The following NPEPL1 variants were observed in gnomAD, a reference collection of about 807,000 sequenced individuals.
NPEPL1 encodes the protein probable aminopeptidase NPEPL1.
NPEPL1 carries 45 observed loss-of-function variants against 52.4 expected under a neutral mutation model. The ratio of observed to expected loss-of-function variants is 0.86; its 90% CI spans 0.68 to 1.10. The LOEUF (loss-of-function observed/expected upper bound fraction) is 1.10, where lower values mean the gene tolerates loss of function less well. Ranked by LOEUF, NPEPL1 falls within the 50% of genes least tolerant of loss-of-function variation. The probability of loss-of-function intolerance (pLI) is 0.00; values close to 1 mark genes in which losing one functional copy is unlikely to be tolerated. For synonymous variants in NPEPL1, 360 were observed against 314.7 expected, an observed-to-expected ratio of 1.14 and a Z score of -1.52; for missense variants, 696 against 710.9, an observed-to-expected ratio of 0.98 and a Z score of 0.24.
intron 6 of NPEPL1, chr20:58,705,516 C>G (rs1233734885): frequency 2.2e-6 from 1 of 456,182 alleles, no homozygotes; most frequent in Non-Finnish European, 4.4e-6. Flanking sequence ...GAAACGAATA[C>G]AGTGGCTCCC....
chr20:58,714,176 C>T (rs2084910891), intron 10 of NPEPL1, 83 bp downstream of exon 10: 2 of 1,467,236 alleles, frequency 1.4e-6, no homozygotes, highest in East Asian at 2.6e-5. Context: ...TGCTGGTGCA[C>T]CCAGGGAGCT....
rs934634887 is a variant in NPEPL1 at position 58,714,113 on chromosome 20, C to A, written c.1302+20C>A. 3.3e-6 allele frequency: 5 copies of A among 1,528,610 alleles called. No homozygotes were observed. The highest frequency in any genetic ancestry group is 4.4e-6 in the Non-Finnish European group (5 of 1,140,842). 94.7% of individuals were successfully genotyped at this position (1,528,610 alleles called of 1,614,324 possible). A position where few individuals can be genotyped will look rare whatever the true frequency, so the allele number is the denominator to read the frequency against. ...GTGGCGGTAGGTTTGGAGCCTCGAACCTGGAGCCTGCCACATGGGTGGAGC... is the reference window on the plus strand; with the variant it reads ...GTGGCGGTAGGTTTGGAGCCTCGAAACTGGAGCCTGCCACATGGGTGGAGC... On this transcript the variant is annotated intron_variant, in intron 10 of 11. Coordinates refer to ENST00000356091, the MANE Select transcript of NPEPL1 (RefSeq NM_024663.4).
At chr20:58,702,762 T>G (rs1172666197) in intron 6 of NPEPL1, among the ~76,000 whole-genome samples, 2 of 152,226 alleles carry the variant, frequency 1.3e-5, no homozygotes, top group African/African-American at 4.8e-5. Context: ...TTTGAAGAGC[T>G]CCAATCTCGT....
At chr20:58,703,414 CCA>C in intron 6 of NPEPL1, 2 of 966,250 alleles carry the variant, frequency 2.1e-6, no homozygotes, top group Non-Finnish European at 2.5e-6. Flanking sequence ...CCTAAATTCG[CCA>C]CAGATAGTGC....
upstream of NPEPL1, chr20:58,689,272 T>TA (rs1417850432): frequency 6.6e-6 from 1 of 152,206 alleles, no homozygotes; most frequent in Non-Finnish European, 1.5e-5. Context: ...TTTCTTTCTT[T>TA]TTTTTTTGTA....
intron 5 of NPEPL1, among the ~76,000 whole-genome samples, chr20:58,699,624 C>T (rs1040983461): frequency 1.3e-5 from 2 of 152,210 alleles, no homozygotes; most frequent in Admixed American, 1.3e-4. Context: ...GTTCCCATCA[C>T]GGCAGGCAGG....
intron 6 of NPEPL1, among the ~76,000 whole-genome samples, chr20:58,702,346 G>C (rs1431987029): frequency 6.6e-6 from 1 of 152,190 alleles, no homozygotes; most frequent in Non-Finnish European, 1.5e-5. Context: ...ACCACTTGCT[G>C]CTGCCTTCCT....
At chr20:58,691,725 C>CTTTTTTTT (rs1568844151), upstream of NPEPL1, 1 of 622,218 alleles carries the variant, frequency 1.6e-6, no homozygotes, top group African/African-American at 2.1e-5. Context: ...CATTTTTAGG[C>CTTTTTTTT]TGGTTATGAA....
intron 7 of NPEPL1, among the ~76,000 whole-genome samples, chr20:58,707,634 GC>G (rs2084762599): frequency 6.8e-6 from 1 of 146,084 alleles, no homozygotes; most frequent in African/African-American, 2.5e-5. Flanking sequence ...CCCAGGCCTG[GC>G]CAGGCCCCCT....
intron 4 of NPEPL1, 145 bp from the exon 5 acceptor site, chr20:58,699,052 T>C: frequency 1.3e-6 from 1 of 767,336 alleles, no homozygotes; most frequent in Non-Finnish European, 2.2e-6. Context: ...CTTCTGGGTT[T>C]CATCACACGC....
chr20:58,691,144 C>T (rs1298322159), upstream of NPEPL1: 1 of 703,212 alleles, frequency 1.4e-6, no homozygotes, highest in Non-Finnish European at 2.6e-6. Flanking sequence ...GATCCTCCAG[C>T]TGTCTCAGTC....
Position 58,694,473 on chromosome 20 carries a change from G to A in NPEPL1, c.388G>A (p.Ala130Thr). 2 of 1,613,920 alleles carry A rather than the reference G, an allele frequency of 1.2e-6. No individual in the cohort carries two copies. Among genetic ancestry groups the A allele is most frequent in the South Asian group, 1.1e-5 (1 of 91,074 alleles). ...VFASACALAR[A>T]FPLFTHRSGA... is the part of the protein sequence containing the mutation. ...TGCTTCCGCCTGTGCCCTGGCCCGG[G>A]CCTTCCCGCTGTTCACCCACCGCTC... Residue 130 changes from alanine (A) to threonine (T), a missense_variant, in exon 3 of 12, where the codon GCC becomes ACC. Ala to Thr is a moderately conservative substitution (Grantham distance 58, BLOSUM62 0). Coordinates refer to ENST00000356091, the MANE Select transcript of NPEPL1 (RefSeq NM_024663.4).
intron 7 of NPEPL1, chr20:58,710,868 T>A (rs1197872879): frequency 6.6e-6 from 1 of 152,524 alleles, no homozygotes; most frequent in Non-Finnish European, 1.5e-5. Flanking sequence ...TCAGCACTGT[T>A]TGCCCCAGGA....
rs572250709 is a variant in NPEPL1, at chr20:58,698,298, G to A, written c.508-386G>A. On this transcript the variant is annotated intron_variant, in intron 3 of 11. Transcript: ENST00000356091. ...ACTGTGGGATCTGCAGAGGTGAGGCGTGGGAAGCTCAGGGCATACTCAGGG... is the reference window on the plus strand; with the variant it reads ...ACTGTGGGATCTGCAGAGGTGAGGCATGGGAAGCTCAGGGCATACTCAGGG... Among the ~76,000 whole-genome samples the A allele has an allele frequency of 5.3e-5, 8 of 152,228 alleles. No homozygotes were observed. In the South Asian group the frequency reaches 6.2e-4, roughly 12 times the overall value.
At chr20:58,708,417 C>G (rs1449886129) in intron 7 of NPEPL1, among the ~76,000 whole-genome samples, 1 of 151,996 alleles carries the variant, frequency 6.6e-6, no homozygotes, top group Non-Finnish European at 1.5e-5. Flanking sequence ...CTGGCAGGCC[C>G]TCACCTGTGC....
intron 1 of NPEPL1, chr20:58,693,505 C>T (rs964930805): frequency 2.6e-5 from 12 of 461,090 alleles, no homozygotes; most frequent in African/African-American, 1.0e-4. Context: ...CCAGCCTGGC[C>T]CTTCCAGGCT....
upstream of NPEPL1, chr20:58,691,445 A>T (rs1452489150): frequency 1.5e-6 from 1 of 687,536 alleles, no homozygotes; most frequent in African/African-American, 1.8e-5. Flanking sequence ...AAAAAACAAC[A>T]AAAAGTCAAA....
At chr20:58,704,213 G>C (rs2084693354) in intron 6 of NPEPL1, 3 of 985,346 alleles carry the variant, frequency 3.0e-6, no homozygotes, top group South Asian at 9.4e-5. Context: ...GCTGCCTGTA[G>C]AGCAAATGGT....
intron 2 of NPEPL1, 66 bp downstream of exon 2, chr20:58,693,988 G>T: frequency 2.1e-6 from 3 of 1,451,438 alleles, no homozygotes; most frequent in South Asian, 1.3e-5. Flanking sequence ...CGGGCCTGGG[G>T]AGCTCACAGC....
Sources: gnomAD v4.1 joint callset for allele counts (sites outside exome capture counted in the v4.1 genomes callset) on GRCh38, gnomAD v4.1.1 for gene constraint, MANE v1.5 for transcripts, NCBI Gene and HGNC (gene_info 2026-07-23, HGNC 2026-07-21) for gene names.